NPAS3: variants seen among roughly 807,000 people sequenced by gnomAD.
NPAS3 encodes neuronal PAS domain-containing protein 3.
Under a neutral mutation model 73.1 loss-of-function variants are expected in NPAS3, and 14 were observed. The observed-to-expected ratio is 0.19, with a 90% CI of 0.13 to 0.30. NPAS3 has a LOEUF of 0.30. Among genes scored for constraint, NPAS3 ranks in the 10% least tolerant of loss-of-function variants. The pLI is 1.00. For synonymous variants in NPAS3, 620 were observed against 541.5 expected, an observed-to-expected ratio of 1.14 and a Z score of -2.01; for missense variants, 1,096 against 1,250.0, an observed-to-expected ratio of 0.88 and a Z score of 1.86.
At chr14:32,938,520 AG>A, upstream of NPAS3, among the ~76,000 whole-genome samples, 1 of 122,842 alleles carries the variant, frequency 8.1e-6, no homozygotes, top group Admixed American at 7.5e-5. Context: ...AGAGAGAGAG[AG>A]AGAAGGGGGG....
chr14:32,952,208 C>G (rs1158465459), intron 1 of NPAS3, among the ~76,000 whole-genome samples: 2 of 151,886 alleles, frequency 1.3e-5, no homozygotes, highest in African/African-American at 4.8e-5. Flanking sequence ...ATATTGTTCC[C>G]CAAAGAAATA....
intron 4 of NPAS3, among the ~76,000 whole-genome samples, chr14:33,416,316 A>G (rs933126621): frequency 3.9e-5 from 6 of 152,080 alleles, no homozygotes; most frequent in African/African-American, 1.4e-4. Flanking sequence ...AAAATAATTT[A>G]TCTTGGACAG....
intron 3 of NPAS3, among the ~76,000 whole-genome samples, chr14:33,293,244 A>C (rs533632272): frequency 1.1e-4 from 16 of 152,326 alleles, no homozygotes; most frequent in African/African-American, 3.8e-4. Flanking sequence ...TTGACTAGGA[A>C]AAATATATGA....
chr14:33,507,096 T>G (rs1051378328), intron 4 of NPAS3, among the ~76,000 whole-genome samples: 1 of 151,976 alleles, frequency 6.6e-6, no homozygotes, highest in Non-Finnish European at 1.5e-5. Context: ...TTGTGGGTGA[T>G]GGACTATGAT....
intron 5 of NPAS3, among the ~76,000 whole-genome samples, chr14:33,660,189 G>C (rs1393515673): frequency 6.6e-6 from 1 of 152,110 alleles, no homozygotes; most frequent in Admixed American, 6.6e-5. Context: ...GATGCCAAAT[G>C]GATGAGCTAA....
At chr14:33,560,321 T>C (rs1474693293) in intron 5 of NPAS3, 111 bp downstream of exon 5, 1 of 577,124 alleles carries the variant, frequency 1.7e-6, no homozygotes, top group Admixed American at 2.7e-5. Flanking sequence ...AAATGTATTA[T>C]TTAATGGCTT....
chr14:33,113,872 C>A (rs938916912), intron 2 of NPAS3, among the ~76,000 whole-genome samples: 2 of 152,084 alleles, frequency 1.3e-5, no homozygotes, highest in Non-Finnish European at 2.9e-5. Context: ...GAGTTTTTAG[C>A]ATGAAGGTTG....
chr14:33,262,052 T>C (rs577372344), intron 3 of NPAS3, among the ~76,000 whole-genome samples: 1 of 152,312 alleles, frequency 6.6e-6, no homozygotes, highest in South Asian at 2.1e-4. Context: ...AAAATAACTC[T>C]GTCCTCCACT....
At chr14:33,396,959 T>C (rs1253419124) in intron 4 of NPAS3, among the ~76,000 whole-genome samples, 1 of 152,174 alleles carries the variant, frequency 6.6e-6, no homozygotes, top group Non-Finnish European at 1.5e-5. Context: ...TTATATGCTT[T>C]AGACCTTCCC....
At chr14:33,191,011 T>G (rs1481783477) in intron 2 of NPAS3, among the ~76,000 whole-genome samples, 2 of 152,190 alleles carry the variant, frequency 1.3e-5, no homozygotes, top group Non-Finnish European at 2.9e-5. Flanking sequence ...ACATGATGTA[T>G]TCAGAATTTT....
intron 4 of NPAS3, among the ~76,000 whole-genome samples, chr14:33,545,212 C>T (rs1034113776): frequency 1.3e-5 from 2 of 152,032 alleles, no homozygotes; most frequent in African/African-American, 2.4e-5. Flanking sequence ...CTTGCTGTAA[C>T]ATTAGTCTCC....
chr14:33,413,311 C>CT (rs1436360803), intron 4 of NPAS3, among the ~76,000 whole-genome samples: 1 of 151,194 alleles, frequency 6.6e-6, no homozygotes, highest in African/African-American at 2.4e-5. Flanking sequence ...ACCGATAGCA[C>CT]TTTTTTATTG....
chr14:33,774,889 G>A (rs766063039), intron 8 of NPAS3, among the ~76,000 whole-genome samples: 3 of 152,084 alleles, frequency 2.0e-5, no homozygotes, highest in Admixed American at 6.5e-5. Flanking sequence ...TGCCTAATTC[G>A]AGGGCCTGGC....
At chr14:33,632,264 G>A (rs969142176) in intron 5 of NPAS3, among the ~76,000 whole-genome samples, 28 of 152,210 alleles carry the variant, frequency 1.8e-4, no homozygotes, top group African/African-American at 5.5e-4. Flanking sequence ...AGTTGTTCTC[G>A]AAGCTCGGTA....
chr14:33,102,737 T>A (rs1282117830), intron 2 of NPAS3, among the ~76,000 whole-genome samples: 1 of 152,190 alleles, frequency 6.6e-6, no homozygotes, highest in Non-Finnish European at 1.5e-5. Context: ...ACACTGACTA[T>A]GTGAACAAGT....
At chr14:33,198,153 T>C (rs1486775334) in intron 2 of NPAS3, among the ~76,000 whole-genome samples, 1 of 152,184 alleles carries the variant, frequency 6.6e-6, no homozygotes, top group Non-Finnish European at 1.5e-5. Flanking sequence ...CTTCGCAGTG[T>C]TACAGCTCAT....
At chr14:33,599,484 G>A (rs1025168625) in intron 5 of NPAS3, among the ~76,000 whole-genome samples, 1 of 152,152 alleles carries the variant, frequency 6.6e-6, no homozygotes, top group Non-Finnish European at 1.5e-5. Flanking sequence ...GGTCCCCTGT[G>A]CACCATAATA....
At chr14:33,533,418 C>T (rs2140190984) in intron 4 of NPAS3, among the ~76,000 whole-genome samples, 1 of 152,238 alleles carries the variant, frequency 6.6e-6, no homozygotes, top group East Asian at 1.9e-4. Context: ...ACAGCAGTGA[C>T]AGATGCTTTT....
chr14:33,522,240 G>A (rs2053589000), intron 4 of NPAS3, among the ~76,000 whole-genome samples: 1 of 152,058 alleles, frequency 6.6e-6, no homozygotes, highest in Non-Finnish European at 1.5e-5. Flanking sequence ...ATCATTTCAG[G>A]GGATGAAATA....
Sources: allele counts gnomAD v4.1 joint callset (sites outside exome capture counted in the v4.1 genomes callset), GRCh38; gene constraint gnomAD v4.1.1; transcripts MANE v1.5; gene names NCBI Gene and HGNC (gene_info 2026-07-23, HGNC 2026-07-21).